The following SORL1 variants were observed in gnomAD, a reference collection of about 807,000 sequenced individuals.
SORL1 encodes the protein sortilin related receptor 1.
In SORL1, 127 loss-of-function variants were observed where a neutral mutation model predicts 273.7. That is an observed-to-expected ratio of 0.46 (90% confidence interval 0.40 to 0.54). SORL1 has a LOEUF of 0.54. Ranked by LOEUF, SORL1 falls within the 20% of genes least tolerant of loss-of-function variation. SORL1 has a pLI of 0.00. For missense variants in SORL1, 2,494 were observed against 2,846.1 expected (o/e 0.88, Z 2.81); for synonymous variants, 1,031 against 1,067.4 (o/e 0.97, Z 0.66).
rs1861527373 is a variant in SORL1 at position 121,489,928 on chromosome 11, C to T, written c.691-115C>T. The T allele has an allele frequency of 2.1e-5, 16 of 768,576 alleles. 1 individual carries two copies. In the South Asian group the frequency reaches 2.4e-4, roughly 12 times the overall value. 47.6% of individuals were successfully genotyped at this position (768,576 alleles called of 1,614,324 possible). A position where few individuals can be genotyped will look rare whatever the true frequency, so the allele number is the denominator to read the frequency against. ...TGAGCTGGCTTTGGCAGTCTCAGTG[C>T]CTGCCTTCACAGACAGCGTGTCATG... On this transcript the variant is annotated intron_variant, in intron 4 of 47. Coordinates refer to ENST00000260197, the MANE Select transcript of SORL1 (RefSeq NM_003105.6).
chr11:121,551,921 G>A (rs1365150358), intron 16 of SORL1, among the ~76,000 whole-genome samples: 7 of 152,236 alleles, frequency 4.6e-5, no homozygotes, highest in East Asian at 3.8e-4. Context: ...TGATGAGGGC[G>A]TGGGTTAGTA....
chr11:121,608,213 A>G lies in SORL1; in HGVS notation c.5239+37A>G, dbSNP rs1463000584. 3.9e-6 allele frequency: 6 copies of G among 1,524,880 alleles called. No individual in the cohort carries two copies. The South Asian group carries it at 5.6e-5, about 14-fold the overall frequency. 94.5% of individuals were successfully genotyped at this position (1,524,880 alleles called of 1,614,324 possible). On this transcript the variant is annotated intron_variant, in intron 38 of 47. Coordinates refer to ENST00000260197, the MANE Select transcript of SORL1 (RefSeq NM_003105.6). ...CAGCATTTGCAGATTTAGAGAAAAT[A>G]TTATACAAACCCTTTCAAATGACTT...
intron 6 of SORL1, among the ~76,000 whole-genome samples, chr11:121,509,870 T>C (rs1861849910): frequency 6.6e-6 from 1 of 152,246 alleles, no homozygotes; most frequent in African/African-American, 2.4e-5. Flanking sequence ...GATTCAAATA[T>C]TTAAATCATT....
At chr11:121,590,787 A>G (rs922324867) in intron 30 of SORL1, 1 of 760,534 alleles carries the variant, frequency 1.3e-6, no homozygotes, top group Non-Finnish European at 2.4e-6. Context: ...AGTAAGGGAA[A>G]TCTACTCCCC....
chr11:121,614,832 C>G (rs760999788), intron 40 of SORL1, 39 bp from the exon 41 acceptor site: 1 of 1,579,264 alleles, frequency 6.3e-7, no homozygotes, highest in African/African-American at 1.4e-5. Flanking sequence ...ACTAACACCC[C>G]CAACTTCCTC....
rs73018984 is a variant in SORL1 at position 121,584,949 on chromosome 11, T to G, written c.3707-1273T>G. Among the ~76,000 whole-genome samples, 572 of 152,260 alleles carry G rather than the reference T, an allele frequency of 3.8e-3. 2 individuals carry two copies. The highest frequency in any genetic ancestry group is 6.8e-3 in the Middle Eastern group (2 of 294). ...ATAACTTTTTGCTCAGGAGAAAGGG[T>G]GACCTAGTACTAAAGATTCTGATCA... On this transcript the variant is annotated intron_variant, in intron 26 of 47. Coordinates refer to ENST00000260197, the MANE Select transcript of SORL1 (RefSeq NM_003105.6).
intron 42 of SORL1, among the ~76,000 whole-genome samples, chr11:121,619,405 T>C (rs1351559444): frequency 3.9e-5 from 6 of 152,186 alleles, no homozygotes; most frequent in African/African-American, 1.4e-4. Context: ...TATATTATTA[T>C]ATAAAAGAAG....
intron 7 of SORL1, among the ~76,000 whole-genome samples, chr11:121,513,442 T>A (rs1715418804): frequency 6.6e-6 from 1 of 152,184 alleles, no homozygotes; most frequent in East Asian, 1.9e-4. Flanking sequence ...AACTGCTGGA[T>A]TGCTTGCAGG....
At chr11:121,493,833 T>C (rs555554219) in intron 5 of SORL1, among the ~76,000 whole-genome samples, 1 of 152,304 alleles carries the variant, frequency 6.6e-6, no homozygotes, top group South Asian at 2.1e-4. Context: ...GCTTCCTTAG[T>C]AATAGAGGTA....
chr11:121,531,430 G>T (rs571793845), intron 11 of SORL1, among the ~76,000 whole-genome samples: 2 of 152,132 alleles, frequency 1.3e-5, no homozygotes, highest in East Asian at 3.9e-4. Flanking sequence ...CCAATATATG[G>T]GTCACTTGGG....
chr11:121,514,338 T>C lies in SORL1; in HGVS notation c.1211+17T>C. On this transcript the variant is annotated intron_variant, in intron 8 of 47. Coordinates refer to ENST00000260197, the MANE Select transcript of SORL1 (RefSeq NM_003105.6). ...CTTGGTGAGGTAAGGAGACTGTGAG[T>C]CCTTCTCCTGCCTTCTTAGGCCAAC... The C allele has an allele frequency of 6.2e-7, 1 of 1,604,550 alleles. No homozygotes were observed. Among genetic ancestry groups the C allele is most frequent in the Non-Finnish European group, 8.5e-7 (1 of 1,175,926 alleles).
rs1376996935 is a variant in SORL1, at chr11:121,629,702, A to T, written c.*139A>T. 3 of 604,556 alleles carry T rather than the reference A, an allele frequency of 5.0e-6. No homozygotes were observed. Among genetic ancestry groups the T allele is most frequent in the Non-Finnish European group, 5.9e-6 (2 of 340,944 alleles). The allele number at this position is 604,556 out of a possible 1,614,324, so 37.4% of individuals were successfully genotyped here. A position where few individuals can be genotyped will look rare whatever the true frequency, so the allele number is the denominator to read the frequency against. On this transcript the variant is annotated 3_prime_UTR_variant, in exon 48 of 48. Coordinates refer to ENST00000260197, the MANE Select transcript of SORL1 (RefSeq NM_003105.6). ...CCAAAAACAAAAAACAAAAAAAAAAAAAAGGAAAGAAAGGAATGAATAAAC... is the reference window on the plus strand; with the variant it reads ...CCAAAAACAAAAAACAAAAAAAAAATAAAGGAAAGAAAGGAATGAATAAAC...
chr11:121,621,209 G>C lies in SORL1; in HGVS notation c.6035G>C (p.Ser2012Thr). ...ATCATTGTCCAACTGGGGAACATGAGCAAAGATTCCAGCATAAAAATTACC... is the reference window on the plus strand; with the variant it reads ...ATCATTGTCCAACTGGGGAACATGACCAAAGATTCCAGCATAAAAATTACC... ...YHIIVQLGNM[S>T]KDSSIKITTV... is the part of the protein sequence containing the mutation. Residue 2012 changes from serine (S) to threonine (T), a missense_variant, in exon 44 of 48, where the codon AGC (serine) becomes ACC (threonine). Around this residue, in one of 3 missense-constraint regions of SORL1, gnomAD observed 1,609 missense variants for 1,816.4 expected, o/e 0.89. Coordinates refer to ENST00000260197, the MANE Select transcript of SORL1 (RefSeq NM_003105.6). The C allele has an allele frequency of 1.2e-6, 2 of 1,614,118 alleles. No homozygotes were observed. Among genetic ancestry groups the C allele is most frequent in the Non-Finnish European group, 1.7e-6 (2 of 1,179,992 alleles).
chr11:121,484,799 G>A (rs533908196), intron 3 of SORL1, among the ~76,000 whole-genome samples: 55 of 152,268 alleles, frequency 3.6e-4, no homozygotes, highest in African/African-American at 1.2e-3. Flanking sequence ...CATCACCCAG[G>A]CTGGAGTGCA....
At chr11:121,465,717 C>T (rs895109840) in intron 1 of SORL1, among the ~76,000 whole-genome samples, 24 of 152,260 alleles carry the variant, frequency 1.6e-4, no homozygotes, top group African/African-American at 5.1e-4. Flanking sequence ...TTAGTAGAGA[C>T]GGTTTTTCAC....
Position 121,552,862 on chromosome 11 carries a change from A to G in SORL1, c.2267-1075A>G, listed in dbSNP as rs148331089. 4.3e-3 allele frequency among the ~76,000 whole-genome samples: 659 copies of G among 152,340 alleles called. 2 individuals are homozygous for G. Among genetic ancestry groups the G allele is most frequent in the African/African-American group, 0.015 (628 of 41,570 alleles). On this transcript the variant is annotated intron_variant, in intron 16 of 47. Transcript: ENST00000260197. ...GAATTCCGATTTGCATCTTGGTCCC[A>G]TATGCAACACACTGTCAAGATGCAC...
intron 21 of SORL1, among the ~76,000 whole-genome samples, chr11:121,561,981 C>G (rs1350395508): frequency 2.0e-5 from 3 of 152,154 alleles, no homozygotes; most frequent in Admixed American, 2.0e-4. Flanking sequence ...GCTGTCAGCA[C>G]TGTCTATGAG....
Position 121,627,441 on chromosome 11 carries a change from T to G in SORL1, c.6365-114T>G. 5.1e-6 allele frequency: 4 copies of G among 783,106 alleles called. No individual in the cohort carries two copies. Among genetic ancestry groups the G allele is most frequent in the Non-Finnish European group, 8.7e-6 (4 of 459,032 alleles). 48.5% of individuals were successfully genotyped at this position (783,106 alleles called of 1,614,324 possible). A position where few individuals can be genotyped will look rare whatever the true frequency, so the allele number is the denominator to read the frequency against. ...AAACGTCTCACACCAGACAGGCAGT[T>G]TGTGTAGCTGTGGCTATCGCCCAGC... On this transcript the variant is annotated intron_variant, in intron 46 of 47. Transcript: ENST00000260197. This position sits in a 1 kb window ranked among gnomAD's most constrained non-coding sequence, Gnocchi z 4.9.
At chr11:121,549,922 A>G in intron 14 of SORL1, 38 bp from the exon 15 acceptor site, 1 of 1,606,454 alleles carries the variant, frequency 6.2e-7, no homozygotes, top group Non-Finnish European at 8.5e-7. Context: ...TGAAATGTAT[A>G]AAACCGTGGC....
Sources: allele counts gnomAD v4.1 joint callset (sites outside exome capture counted in the v4.1 genomes callset), GRCh38; gene constraint gnomAD v4.1.1; regional missense constraint gnomAD v4.1.1; non-coding constraint Gnocchi (gnomAD v3.1); transcripts MANE v1.5; gene names NCBI Gene and HGNC (gene_info 2026-07-23, HGNC 2026-07-21).